The following TRIM44 variants were observed in gnomAD, a reference collection of about 807,000 sequenced individuals.
TRIM44 encodes the protein tripartite motif-containing protein 44.
Under a neutral mutation model 37.4 loss-of-function variants are expected in TRIM44, and 13 were observed. That is an observed-to-expected ratio of 0.35 (90% CI 0.23 to 0.55). The LOEUF is 0.55. TRIM44 is among the 20% of genes least tolerant of loss of function. TRIM44 has a pLI of 0.89. For missense variants in TRIM44, 426 were observed against 437.2 expected (o/e 0.97, Z 0.23); for synonymous variants, 175 against 157.2 (o/e 1.11, Z -0.85).
At chr11:35,779,507 C>T (rs950326455) in intron 4 of TRIM44, among the ~76,000 whole-genome samples, 2 of 152,128 alleles carry the variant, frequency 1.3e-5, no homozygotes, top group African/African-American at 4.8e-5. Context: ...CAGAAATCAC[C>T]CGTCTTCTAT....
At chr11:35,782,726 T>G (rs1853081737) in intron 4 of TRIM44, among the ~76,000 whole-genome samples, 1 of 152,142 alleles carries the variant, frequency 6.6e-6, no homozygotes, top group African/African-American at 2.4e-5. Flanking sequence ...GACTTATCCT[T>G]CTGTGTCATA....
intron 4 of TRIM44, among the ~76,000 whole-genome samples, chr11:35,749,487 C>G (rs1852535095): frequency 6.6e-6 from 1 of 152,220 alleles, no homozygotes; most frequent in Non-Finnish European, 1.5e-5. Context: ...GAGTTCCAGA[C>G]CAGCCTGGCC....
intron 2 of TRIM44, among the ~76,000 whole-genome samples, chr11:35,725,345 T>G (rs1031123384): frequency 3.3e-5 from 5 of 152,166 alleles, no homozygotes; most frequent in African/African-American, 1.2e-4. Flanking sequence ...GTTTTTTGTT[T>G]TGTTTTGAGA....
Position 35,663,296 on chromosome 11 carries a change from ACGGCTCC to A in TRIM44, c.187_193del (p.Gly63ArgfsTer27). On this transcript the variant is annotated frameshift_variant, in exon 1 of 5. Coordinates refer to ENST00000299413, the MANE Select transcript of TRIM44 (RefSeq NM_017583.6). LOFTEE classifies it high-confidence loss of function. ...AGTCACCATCTGGCCGAATACGTCC[ACGGCTCC>A]CAGGCCTGGACCCCGCCAGCTGACG... The A allele has an allele frequency of 6.2e-7, 1 of 1,614,080 alleles. No homozygotes were observed.
At chr11:35,766,802 T>C (rs771391553) in intron 4 of TRIM44, among the ~76,000 whole-genome samples, 78 of 152,304 alleles carry the variant, frequency 5.1e-4, no homozygotes, top group Middle Eastern at 6.8e-3. Flanking sequence ...AAAAATGAGG[T>C]TGACTTGTGC....
intron 2 of TRIM44, among the ~76,000 whole-genome samples, chr11:35,711,209 A>G (rs1283365900): frequency 6.6e-6 from 1 of 152,216 alleles, no homozygotes; most frequent in Non-Finnish European, 1.5e-5. Flanking sequence ...TTATATCTCA[A>G]TAAAACTGTT....
chr11:35,765,726 C>T (rs1203423199), intron 4 of TRIM44, among the ~76,000 whole-genome samples: 1 of 152,006 alleles, frequency 6.6e-6, no homozygotes, highest in African/African-American at 2.4e-5. Context: ...AATTTGAAGC[C>T]TTTCAGTCTT....
intron 4 of TRIM44, among the ~76,000 whole-genome samples, chr11:35,737,917 A>G (rs1300933776): frequency 1.3e-5 from 2 of 152,172 alleles, no homozygotes; most frequent in Non-Finnish European, 2.9e-5. Flanking sequence ...AGCCTAAATC[A>G]ATATCTTCTA....
Position 35,743,490 on chromosome 11 carries a change from A to G in TRIM44, c.1007+8045A>G, listed in dbSNP as rs184280816. On this transcript the variant is annotated intron_variant, in intron 4 of 4. Coordinates refer to ENST00000299413, the MANE Select transcript of TRIM44 (RefSeq NM_017583.6). ...ACATCTTACTATACTTAAAGGACAA[A>G]TATGTTTTGAAGCATTTAAAGTATT... 3.3e-5 allele frequency among the ~76,000 whole-genome samples: 5 copies of G among 152,302 alleles called. No individual in the cohort carries two copies. The East Asian group carries it at 9.6e-4, about 29-fold the overall frequency.
chr11:35,736,939 T>C (rs1440943688), intron 4 of TRIM44, among the ~76,000 whole-genome samples: 1 of 152,176 alleles, frequency 6.6e-6, no homozygotes, highest in East Asian at 1.9e-4. Context: ...TATATCATGG[T>C]GACTAAAGCA....
chr11:35,710,879 A>G (rs951180960), intron 2 of TRIM44, among the ~76,000 whole-genome samples: 8 of 152,220 alleles, frequency 5.3e-5, no homozygotes, highest in African/African-American at 1.4e-4. Flanking sequence ...CTGGCCTCCT[A>G]CAGTCATATT....
intron 2 of TRIM44, among the ~76,000 whole-genome samples, chr11:35,725,104 A>ACACC (rs1452133795): frequency 1.8e-4 from 26 of 142,118 alleles, no homozygotes; most frequent in South Asian, 1.3e-3. Flanking sequence ...ACACACACAC[A>ACACC]CCCTCCATCT....
At chr11:35,726,591 T>C (rs544569353) in intron 3 of TRIM44, among the ~76,000 whole-genome samples, 3 of 152,012 alleles carry the variant, frequency 2.0e-5, no homozygotes, top group Non-Finnish European at 2.9e-5. Flanking sequence ...TGAAAAGGTG[T>C]CTCAAGCTGG....
At chr11:35,677,226 A>G (rs1479695356) in intron 1 of TRIM44, among the ~76,000 whole-genome samples, 1 of 152,086 alleles carries the variant, frequency 6.6e-6, no homozygotes, top group Non-Finnish European at 1.5e-5. Flanking sequence ...CCACCATTCC[A>G]TTTTGCCTCT....
chr11:35,792,111 A>ACACACT (rs796092540), intron 4 of TRIM44, among the ~76,000 whole-genome samples: 103 of 114,362 alleles, frequency 9.0e-4, no homozygotes, highest in African/African-American at 3.7e-3. Context: ...ACACACACAC[A>ACACACT]CTCTCTCTCA....
intron 2 of TRIM44, among the ~76,000 whole-genome samples, chr11:35,703,930 GAGA>G (rs1322086316): frequency 3.9e-5 from 6 of 152,232 alleles, no homozygotes; most frequent in African/African-American, 1.4e-4. Context: ...GACGAGTTGA[GAGA>G]AGAAGGCTTC....
At chr11:35,726,220 A>G in intron 3 of TRIM44, 57 bp downstream of exon 3, 6 of 1,594,978 alleles carry the variant, frequency 3.8e-6, no homozygotes, top group East Asian at 2.2e-5. Context: ...AACTGATGCC[A>G]TATTTGTTAG....
At chr11:35,777,721 G>A (rs1267789438) in intron 4 of TRIM44, among the ~76,000 whole-genome samples, 1 of 152,112 alleles carries the variant, frequency 6.6e-6, no homozygotes, top group Non-Finnish European at 1.5e-5. Context: ...ATGAAGCTTA[G>A]TTTGGCTGGA....
rs192016849 is a variant in TRIM44, at chr11:35,699,773, A to G, written c.747+14437A>G. Among the ~76,000 whole-genome samples the G allele has an allele frequency of 8.6e-3, 1,302 of 152,074 alleles. 14 individuals carry two copies. Among genetic ancestry groups the G allele is most frequent in the Non-Finnish European group, 0.011 (727 of 68,002 alleles). On this transcript the variant is annotated intron_variant, in intron 2 of 4. Transcript: ENST00000299413. Reference sequence around the variant, plus strand: ...AGCAAAGTCTCAGGATACAAAATCAATGTGCAAAAATCACAAGCATTCTTA... The same window carrying G: ...AGCAAAGTCTCAGGATACAAAATCAGTGTGCAAAAATCACAAGCATTCTTA...
Sources: allele counts gnomAD v4.1 joint callset (sites outside exome capture counted in the v4.1 genomes callset), GRCh38; gene constraint gnomAD v4.1.1; transcripts MANE v1.5; gene names NCBI Gene and HGNC (gene_info 2026-07-23, HGNC 2026-07-21).